Variants in OSBPL8 observed in about 807,000 individuals in gnomAD.
OSBPL8 encodes oxysterol binding protein like 8.
In OSBPL8, 59 loss-of-function variants were observed where a neutral mutation model predicts 125.5. The observed-to-expected ratio is 0.47, with a 90% CI of 0.38 to 0.58. The LOEUF is 0.58. OSBPL8 is among the 20% of genes least tolerant of loss of function. The pLI, the probability that OSBPL8 is intolerant of heterozygous loss-of-function variation, is 0.00. For missense variants in OSBPL8, 758 were observed against 1,047.8 expected (o/e 0.72, Z 3.82); for synonymous variants, 330 against 338.9 (o/e 0.97, Z 0.29).
Position 76,355,642 on chromosome 12 carries a change from G to T in OSBPL8, c.*247C>A. On this transcript the variant is annotated 3_prime_UTR_variant, in exon 24 of 24. Transcript: ENST00000261183. ...TGTGGGTTTATTATACTCATATGTA[G>T]ACACATTCTCACAAAAGCTAGAAAT... The T allele has an allele frequency of 2.4e-6, 1 of 411,492 alleles. No homozygotes were observed. Among genetic ancestry groups the T allele is most frequent in the East Asian group, 4.6e-5 (1 of 21,820 alleles). The allele number at this position is 411,492 out of a possible 1,614,324, so 25.5% of individuals were successfully genotyped here.
chr12:76,517,938 T>C (rs1439821970), intron 1 of OSBPL8, among the ~76,000 whole-genome samples: 1 of 152,150 alleles, frequency 6.6e-6, no homozygotes. Context: ...CTGCCAACAT[T>C]GGAGATCACA....
intron 8 of OSBPL8, among the ~76,000 whole-genome samples, chr12:76,396,863 G>A (rs1435858603): frequency 2.6e-5 from 4 of 152,132 alleles, no homozygotes; most frequent in African/African-American, 9.6e-5. Context: ...CCAGGCTGAA[G>A]TGCAGTGGCA....
In OSBPL8 at chr12:76,450,745, G is replaced by C. The variant is rs528030407; in HGVS notation, c.217+106C>G. 5 of 1,203,534 alleles carry C rather than the reference G, an allele frequency of 4.2e-6. No individual in the cohort carries two copies. The African/African-American group carries it at 7.8e-5, about 19-fold the overall frequency. 74.6% of individuals were successfully genotyped at this position (1,203,534 alleles called of 1,614,324 possible). The stretch of plus-strand genomic sequence containing the variant: ...ACAAAACCCCTTACAAAACCAAATA[G>C]TTAAAAAGAAAAAAAATATGATAGT... On this transcript the variant is annotated intron_variant, in intron 4 of 23. Coordinates refer to ENST00000261183, the MANE Select transcript of OSBPL8 (RefSeq NM_020841.5).
rs1951938531 is a variant in OSBPL8, at chr12:76,355,215, T to C, written c.*674A>G. 1 of 152,548 alleles carries C rather than the reference T, an allele frequency of 6.6e-6. No homozygotes were observed. Among genetic ancestry groups the C allele is most frequent in the South Asian group, 2.1e-4 (1 of 4,834 alleles). 9.4% of individuals were successfully genotyped at this position (152,548 alleles called of 1,614,324 possible). A position where few individuals can be genotyped will look rare whatever the true frequency, so the allele number is the denominator to read the frequency against. ...TTTTATACTGATATACACGTAAGTA[T>C]ATATATTTACCTGCATCTACAAATA... is the stretch of plus-strand genomic sequence containing the variant. On this transcript the variant is annotated 3_prime_UTR_variant, in exon 24 of 24. Coordinates refer to ENST00000261183, the MANE Select transcript of OSBPL8 (RefSeq NM_020841.5).
At chr12:76,378,682 C>T in intron 15 of OSBPL8, 132 bp from the exon 16 acceptor site, 1 of 633,560 alleles carries the variant, frequency 1.6e-6, no homozygotes, top group Non-Finnish European at 2.7e-6. Flanking sequence ...TCAATGTGCC[C>T]AAACATGTAT....
At chr12:76,546,201 A>G (rs1950778473) in intron 1 of OSBPL8, among the ~76,000 whole-genome samples, 1 of 152,178 alleles carries the variant, frequency 6.6e-6, no homozygotes, top group Non-Finnish European at 1.5e-5. Flanking sequence ...AGGAAATGCT[A>G]ATTTCTACTG....
At chr12:76,469,397 C>A (rs1446445823) in intron 2 of OSBPL8, among the ~76,000 whole-genome samples, 3 of 152,176 alleles carry the variant, frequency 2.0e-5, no homozygotes, top group Non-Finnish European at 4.4e-5. Flanking sequence ...GTCACTGCAT[C>A]TTTCTATTAT....
chr12:76,478,842 T>C (rs1250105380), intron 2 of OSBPL8, among the ~76,000 whole-genome samples: 3 of 152,114 alleles, frequency 2.0e-5, no homozygotes, highest in Admixed American at 6.5e-5. Context: ...TCCCAGCACT[T>C]TGGGAGGCCG....
chr12:76,436,561 T>C (rs1261716738), intron 4 of OSBPL8, among the ~76,000 whole-genome samples: 1 of 151,332 alleles, frequency 6.6e-6, no homozygotes, highest in African/African-American at 2.4e-5. Context: ...TCTCCATCAA[T>C]TCATAAAGGG....
In OSBPL8 at chr12:76,531,775, C is replaced by T. The variant is rs143491571; in HGVS notation, c.-68+27622G>A. ...CCAAAAGGCCGGGTGCGGTGGCTCACGCCTGTAATCCCAGCACTTTGGGAA... is the reference window on the plus strand; with the variant it reads ...CCAAAAGGCCGGGTGCGGTGGCTCATGCCTGTAATCCCAGCACTTTGGGAA... On this transcript the variant is annotated intron_variant, in intron 1 of 23. Coordinates refer to ENST00000261183, the MANE Select transcript of OSBPL8 (RefSeq NM_020841.5). 7.8e-3 allele frequency among the ~76,000 whole-genome samples: 1,187 copies of T among 152,178 alleles called. 9 individuals are homozygous for T. The highest frequency in any genetic ancestry group is 0.02 in the Middle Eastern group (6 of 294).
At chr12:76,515,444 T>C (rs1243419989) in intron 1 of OSBPL8, among the ~76,000 whole-genome samples, 2 of 152,198 alleles carry the variant, frequency 1.3e-5, no homozygotes, top group African/African-American at 4.8e-5. Context: ...GGTGTTGAAG[T>C]TGTGGACTGC....
intron 1 of OSBPL8, among the ~76,000 whole-genome samples, chr12:76,523,298 A>G (rs1950073726): frequency 6.6e-6 from 1 of 152,188 alleles, no homozygotes; most frequent in South Asian, 2.1e-4. Flanking sequence ...TGTTCTTTCC[A>G]CATTTCTAAA....
At position 76,496,277 on chromosome 12, in the gene OSBPL8, T is replaced by C. The variant is rs187085921; in HGVS notation, c.-67-8659A>G. 2.0e-3 allele frequency among the ~76,000 whole-genome samples: 299 copies of C among 152,268 alleles called. 1 individual carries two copies. The highest frequency in any genetic ancestry group is 6.8e-3 in the African/African-American group (284 of 41,550). ...GTTTCCTCTGAAGTCATTTGTTACT[T>C]CTTCTTGACCCTTCCCCTTCTGTGC... is the stretch of plus-strand genomic sequence containing the variant. On this transcript the variant is annotated intron_variant, in intron 1 of 23. Transcript: ENST00000261183.
Position 76,489,552 on chromosome 12 carries a change from G to A in OSBPL8, c.-67-1934C>T, listed in dbSNP as rs1878496669. ...ATAAATAAAACAACAAAGCCTGTAT[G>A]ATAGCACATCTGTTTACAGCATGGT... On this transcript the variant is annotated intron_variant, in intron 1 of 23. Coordinates refer to ENST00000261183, the MANE Select transcript of OSBPL8 (RefSeq NM_020841.5). Among the ~76,000 whole-genome samples the A allele has an allele frequency of 2.0e-5, 3 of 152,236 alleles. No individual in the cohort carries two copies. The South Asian group carries it at 6.2e-4, about 32-fold the overall frequency.
chr12:76,458,989 T>A lies in OSBPL8; in HGVS notation c.79+870A>T, dbSNP rs116893612. Among the ~76,000 whole-genome samples the A allele has an allele frequency of 1.2e-3, 189 of 152,280 alleles. 4 individuals carry two copies. The East Asian group carries it at 0.033, about 26-fold the overall frequency. ...TATTATTCATCAATGAAGTTAAAAA[T>A]CTTCATCTATGATGCAGTAAAATTT... On this transcript the variant is annotated intron_variant, in intron 3 of 23. Transcript: ENST00000261183.
chr12:76,539,341 A>T (rs1950581067), intron 1 of OSBPL8, among the ~76,000 whole-genome samples: 1 of 152,198 alleles, frequency 6.6e-6, no homozygotes, highest in Admixed American at 6.5e-5. Context: ...CAAAAAGTCA[A>T]AAAGGGCAAA....
chr12:76,484,418 A>C (rs1877900755), intron 2 of OSBPL8, among the ~76,000 whole-genome samples: 1 of 152,196 alleles, frequency 6.6e-6, no homozygotes, highest in South Asian at 2.1e-4. Flanking sequence ...TTAATTATTT[A>C]TCTTTTTGTA....
At position 76,479,280 on chromosome 12, in the gene OSBPL8, G is replaced by A. The variant is rs1052277366; in HGVS notation, c.42+8230C>T. Among the ~76,000 whole-genome samples, 14 of 152,020 alleles carry A rather than the reference G, an allele frequency of 9.2e-5. No homozygotes were observed. The South Asian group carries it at 1.7e-3, about 18-fold the overall frequency. On this transcript the variant is annotated intron_variant, in intron 2 of 23. Transcript: ENST00000261183. The stretch of plus-strand genomic sequence containing the variant: ...ACCCCATCATCCATGTGATCATTAC[G>A]CACTACACGCCTGTATCAAAACATC...
chr12:76,466,044 A>T (rs1875390785), intron 2 of OSBPL8, among the ~76,000 whole-genome samples: 2 of 152,284 alleles, frequency 1.3e-5, no homozygotes, highest in South Asian at 4.1e-4. Context: ...CTACTAAAAA[A>T]ATCCATTATA....
Sources: gnomAD v4.1 joint callset for allele counts (sites outside exome capture counted in the v4.1 genomes callset) on GRCh38, gnomAD v4.1.1 for gene constraint, MANE v1.5 for transcripts, NCBI Gene and HGNC (gene_info 2026-07-23, HGNC 2026-07-21) for gene names.